Variants in KIAA0319 observed in about 807,000 individuals in gnomAD.
KIAA0319 encodes the protein KIAA0319.
KIAA0319 carries 83 observed loss-of-function variants against 108.4 expected under a neutral mutation model. That is an observed-to-expected ratio of 0.77 (90% CI 0.64 to 0.92). The LOEUF (loss-of-function observed/expected upper bound fraction) is 0.92. Among genes scored for constraint, KIAA0319 ranks in the 40% least tolerant of loss-of-function variants. The probability of loss-of-function intolerance (pLI) is 0.00; values close to 1 mark genes in which losing one functional copy is unlikely to be tolerated. For missense variants in KIAA0319, 1,195 were observed against 1,322.4 expected (o/e 0.90, Z 1.49); for synonymous variants, 484 against 510.4 (o/e 0.95, Z 0.70).
At chr6:24,563,922 C>T (rs1171897826) in intron 15 of KIAA0319, among the ~76,000 whole-genome samples, 3 of 152,116 alleles carry the variant, frequency 2.0e-5, no homozygotes, top group African/African-American at 7.2e-5. Flanking sequence ...TGGTATGAGG[C>T]CCTTGTGTCC....
At chr6:24,561,959 T>C (rs992337767) in intron 16 of KIAA0319, among the ~76,000 whole-genome samples, 1 of 152,228 alleles carries the variant, frequency 6.6e-6, no homozygotes, top group African/African-American at 2.4e-5. Context: ...CACCTCGGCC[T>C]CCCAAAGTGC....
chr6:24,569,846 G>A (rs1262043505), intron 12 of KIAA0319, 57 bp downstream of exon 12: 1 of 1,580,242 alleles, frequency 6.3e-7, no homozygotes, highest in Admixed American at 1.8e-5. Flanking sequence ...TCCAGAGAAG[G>A]GATAATATTA....
chr6:24,551,948 A>T (rs1432797415), intron 19 of KIAA0319, among the ~76,000 whole-genome samples: 1 of 152,202 alleles, frequency 6.6e-6, no homozygotes, highest in Non-Finnish European at 1.5e-5. Flanking sequence ...AGCAATCAGA[A>T]AAAAATAGCA....
intron 1 of KIAA0319, among the ~76,000 whole-genome samples, chr6:24,619,321 G>T (rs973206061): frequency 1.3e-5 from 2 of 152,202 alleles, no homozygotes; most frequent in Non-Finnish European, 2.9e-5. Flanking sequence ...ACGGTGTCTT[G>T]CACCAAGGTG....
At chr6:24,624,024 T>C (rs1052305725) in intron 1 of KIAA0319, among the ~76,000 whole-genome samples, 4 of 139,068 alleles carry the variant, frequency 2.9e-5, no homozygotes, top group African/African-American at 5.4e-5. Flanking sequence ...TTTCTTTTTT[T>C]TTTTTTTTTT....
intron 13 of KIAA0319, among the ~76,000 whole-genome samples, chr6:24,568,528 G>A (rs962910032): frequency 6.6e-6 from 1 of 152,214 alleles, no homozygotes; most frequent in Admixed American, 6.5e-5. Flanking sequence ...TTCATTACTA[G>A]TAGTCACAGA....
chr6:24,599,551 G>A lies in KIAA0319; in HGVS notation c.55+1498C>T. 2 of 581,098 alleles carry A rather than the reference G, an allele frequency of 3.4e-6. No homozygotes were observed. Among genetic ancestry groups the A allele is most frequent in the South Asian group, 3.0e-5 (2 of 67,396 alleles). 36.0% of individuals were successfully genotyped at this position (581,098 alleles called of 1,614,324 possible). A position where few individuals can be genotyped will look rare whatever the true frequency, so the allele number is the denominator to read the frequency against. On this transcript the variant is annotated intron_variant, in intron 2 of 20. Transcript: ENST00000378214. The surrounding 1 kb of genome is among the most constrained non-coding windows in gnomAD (Gnocchi z 4.1). ...AGGAAGGTGCTGGAGGGCGAGGAGA[G>A]CTGGCTGGAGTCTGGGATGCAGAAC...
chr6:24,558,459 T>A (rs561940372), intron 17 of KIAA0319, among the ~76,000 whole-genome samples: 1 of 152,244 alleles, frequency 6.6e-6, no homozygotes, highest in South Asian at 2.1e-4. Flanking sequence ...CCCTTGTAAC[T>A]CTCATTTCCC....
At chr6:24,557,229 C>T (rs1762427753) in intron 17 of KIAA0319, among the ~76,000 whole-genome samples, 1 of 151,336 alleles carries the variant, frequency 6.6e-6, no homozygotes, top group Non-Finnish European at 1.5e-5. Context: ...TGGCTGGGTG[C>T]GGTTGCTCAC....
intron 3 of KIAA0319, among the ~76,000 whole-genome samples, chr6:24,589,179 G>A (rs554898180): frequency 6.6e-6 from 1 of 152,322 alleles, no homozygotes; most frequent in Non-Finnish European, 1.5e-5. Context: ...CCTTTGGGAA[G>A]TAATTAGGTT....
intron 19 of KIAA0319, among the ~76,000 whole-genome samples, 185 bp downstream of exon 19, chr6:24,554,356 G>A (rs1038031237): frequency 6.6e-6 from 1 of 152,210 alleles, no homozygotes; most frequent in Non-Finnish European, 1.5e-5. Context: ...GAAAACACAA[G>A]AGCTGCAATG....
In KIAA0319 at chr6:24,596,466, CCAGGTCACAGCTGGA is replaced by C. The variant is rs749233121; in HGVS notation, c.193_207del (p.Ser65_Leu69del). 5 of 1,614,082 alleles carry C rather than the reference CCAGGTCACAGCTGGA, an allele frequency of 3.1e-6. No individual in the cohort carries two copies. Among genetic ancestry groups the C allele is most frequent in the African/African-American group, 1.3e-5 (1 of 74,926 alleles). Reference sequence around the variant, plus strand: ...TAGCAGCGGCCCTCGAACCACCAGGCCAGGTCACAGCTGGACAGGTCACAGCAAGCGGCCGTGCAG... The same window carrying C: ...TAGCAGCGGCCCTCGAACCACCAGGCCAGGTCACAGCAAGCGGCCGTGCAG... On this transcript the variant is annotated inframe_deletion, in exon 3 of 21. Coordinates refer to ENST00000378214, the MANE Select transcript of KIAA0319 (RefSeq NM_014809.4).
intron 14 of KIAA0319, 27 bp downstream of exon 14, chr6:24,566,570 T>C: frequency 6.3e-7 from 1 of 1,585,220 alleles, no homozygotes; most frequent in Non-Finnish European, 8.6e-7. Flanking sequence ...ATAAGTGGTC[T>C]AGGAGCAATT....
intron 10 of KIAA0319, 25 bp from the exon 11 acceptor site, chr6:24,572,723 AAAAAC>A (rs1561963953): frequency 1.9e-6 from 3 of 1,581,210 alleles, no homozygotes; most frequent in Middle Eastern, 1.7e-4. Context: ...ATACAAAAAT[AAAAAC>A]AAAACAAAAC....
intron 4 of KIAA0319, among the ~76,000 whole-genome samples, chr6:24,584,394 G>T (rs892819077): frequency 6.5e-5 from 9 of 139,140 alleles, no homozygotes; most frequent in Non-Finnish European, 1.2e-4. Context: ...AATATATTGC[G>T]ATATGTCCAG....
At chr6:24,598,327 A>G (rs934587199) in intron 2 of KIAA0319, 4 of 678,220 alleles carry the variant, frequency 5.9e-6, no homozygotes, top group East Asian at 2.8e-5. Flanking sequence ...CAAGACCATC[A>G]ACAACAAGTT....
chr6:24,576,308 A>G, intron 10 of KIAA0319, 60 bp downstream of exon 10: 1 of 1,351,226 alleles, frequency 7.4e-7, no homozygotes, highest in Non-Finnish European at 1.1e-6. Context: ...CCAATAGCAC[A>G]TAGCTAGGTA....
chr6:24,594,198 CAAAAAAAAAAAAAAAAAAAAAAAAA>C (rs761107947), intron 3 of KIAA0319, among the ~76,000 whole-genome samples: 38 of 54,404 alleles, frequency 7.0e-4, no homozygotes, highest in South Asian at 4.7e-3. Flanking sequence ...GACTCTGTCT[CAAAAAAAAAAAAAAAAAAAAAAAAA>C]AAAAAAAAAA....
chr6:24,547,975 G>C (rs915313641), intron 20 of KIAA0319, among the ~76,000 whole-genome samples: 1 of 152,112 alleles, frequency 6.6e-6, no homozygotes, highest in Non-Finnish European at 1.5e-5. Context: ...CGAGGGTACA[G>C]TGAACTATGA....
Sources: allele counts gnomAD v4.1 joint callset (sites outside exome capture counted in the v4.1 genomes callset), GRCh38; gene constraint gnomAD v4.1.1; non-coding constraint Gnocchi (gnomAD v3.1); transcripts MANE v1.5; gene names NCBI Gene and HGNC (gene_info 2026-07-23, HGNC 2026-07-21).